The following PLEKHH2 variants were observed in gnomAD, a reference collection of about 807,000 sequenced individuals.
The protein encoded by PLEKHH2 is pleckstrin homology domain-containing family H member 2.
A neutral mutation model predicts 187.9 loss-of-function variants in PLEKHH2; 129 were observed. The ratio of observed to expected loss-of-function variants is 0.69; its 90% CI spans 0.59 to 0.79. The LOEUF (loss-of-function observed/expected upper bound fraction) is 0.79, where lower values mean the gene tolerates loss of function less well. Among genes scored for constraint, PLEKHH2 ranks in the 30% least tolerant of loss-of-function variants. The probability of loss-of-function intolerance (pLI) is 0.00; values close to 1 mark genes in which losing one functional copy is unlikely to be tolerated. For missense variants in PLEKHH2, 2,076 were observed against 1,751.2 expected (o/e 1.19, Z -3.31); for synonymous variants, 686 against 605.6 (o/e 1.13, Z -1.95).
chr2:43,733,543 C>A (rs1040653545), intron 19 of PLEKHH2, among the ~76,000 whole-genome samples: 1 of 152,106 alleles, frequency 6.6e-6, no homozygotes, highest in Non-Finnish European at 1.5e-5. Context: ...CTTTGTCTTG[C>A]CTAAGTTTCT....
chr2:43,712,535 A>G (rs1406756223), intron 15 of PLEKHH2, 152 bp downstream of exon 15: 1 of 830,842 alleles, frequency 1.2e-6, no homozygotes, highest in Non-Finnish European at 1.7e-6. Flanking sequence ...TGCCCAAGGC[A>G]AAAACTATAA....
intron 3 of PLEKHH2, among the ~76,000 whole-genome samples, chr2:43,683,776 C>G (rs1201485631): frequency 2.0e-5 from 3 of 147,142 alleles, no homozygotes; most frequent in African/African-American, 7.5e-5. Context: ...AGTTATCTCT[C>G]TCTCTCTCTT....
At position 43,740,967 on chromosome 2, in the gene PLEKHH2, T is replaced by A. The variant is rs968181082; in HGVS notation, c.3145T>A (p.Cys1049Ser). The change falls in exon 21 of 30, where the codon TGC (cysteine) becomes AGC (serine). Residue 1049 changes from cysteine (C) to serine (S), a missense_variant. By Grantham distance (112) the Cys-to-Ser change is moderately radical (BLOSUM62 -1). Coordinates refer to ENST00000282406, the MANE Select transcript of PLEKHH2 (RefSeq NM_172069.4). ...PLQGWQLLAL[C>S]VGLFLPHHPF... is the part of the protein sequence containing the mutation. ...CCAGGGCTGGCAGCTCTTGGCACTC[T>A]GCGTTGGGCTCTTCCTTCCCCATCA... 2 of 1,613,892 alleles carry A rather than the reference T, an allele frequency of 1.2e-6. No homozygotes were observed. Among genetic ancestry groups the A allele is most frequent in the Admixed American group, 1.7e-5 (1 of 60,012 alleles).
intron 5 of PLEKHH2, among the ~76,000 whole-genome samples, chr2:43,694,837 C>T (rs1410072099): frequency 1.3e-5 from 2 of 152,200 alleles, no homozygotes; most frequent in Middle Eastern, 3.4e-3. Flanking sequence ...GAGAAGCACA[C>T]GTTTTCATTT....
intron 5 of PLEKHH2, 101 bp from the exon 6 acceptor site, chr2:43,695,042 T>G (rs114160011): frequency 3.5e-6 from 2 of 567,404 alleles, no homozygotes; most frequent in African/African-American, 3.8e-5. Context: ...TGCTTACACA[T>G]GTAGAGAAAC....
intron 4 of PLEKHH2, 136 bp from the exon 5 acceptor site, chr2:43,694,295 C>G (rs1481902611): frequency 1.9e-6 from 2 of 1,026,186 alleles, no homozygotes; most frequent in African/African-American, 1.7e-5. Flanking sequence ...TTTTAAAAAC[C>G]TATTTGGTAA....
intron 2 of PLEKHH2, among the ~76,000 whole-genome samples, chr2:43,668,748 G>T (rs1210926963): frequency 6.6e-6 from 1 of 152,176 alleles, no homozygotes; most frequent in African/African-American, 2.4e-5. Context: ...TGAGGAGGGA[G>T]GATCCCTTGA....
At chr2:43,650,930 C>T (rs1666438339) in intron 2 of PLEKHH2, among the ~76,000 whole-genome samples, 1 of 151,946 alleles carries the variant, frequency 6.6e-6, no homozygotes, top group South Asian at 2.1e-4. Flanking sequence ...CAGGCATGAG[C>T]CACCGCGCCT....
In PLEKHH2 at chr2:43,678,863, A is replaced by G. The variant is rs767539262; in HGVS notation, c.124A>G (p.Met42Val). 8.1e-6 allele frequency: 13 copies of G among 1,599,560 alleles called. No individual in the cohort carries two copies. Among genetic ancestry groups the G allele is most frequent in the Admixed American group, 3.3e-5 (2 of 59,808 alleles). Residue 42 changes from methionine (M) to valine (V), a missense_variant and splice_region_variant, in exon 3 of 30, where the codon ATG (methionine) becomes GTG (valine). Coordinates refer to ENST00000282406, the MANE Select transcript of PLEKHH2 (RefSeq NM_172069.4). ...ATTTATATTTTCCCTCACTCTACAG[A>G]TGCAACAGCTTGAGAGACAAGTTAT... ...SKIRELLAEKMQQLERQVIDA... is the reference protein window; with the variant it reads ...SKIRELLAEKVQQLERQVIDA...
intron 20 of PLEKHH2, among the ~76,000 whole-genome samples, chr2:43,740,502 G>C (rs1023603688): frequency 5.3e-5 from 8 of 152,106 alleles, no homozygotes; most frequent in African/African-American, 9.7e-5. Flanking sequence ...TTTTATACTT[G>C]TCCCTTATTT....
intron 16 of PLEKHH2, among the ~76,000 whole-genome samples, chr2:43,725,096 C>A (rs1408254299): frequency 2.6e-5 from 4 of 152,120 alleles, no homozygotes; most frequent in Non-Finnish European, 4.4e-5. Flanking sequence ...GAGGAGGGAG[C>A]TTGTAAGGAG....
intron 24 of PLEKHH2, among the ~76,000 whole-genome samples, chr2:43,751,926 C>CTTTTTTTTTTTTTTT (rs1191371733): frequency 1.4e-5 from 2 of 139,870 alleles, no homozygotes; most frequent in African/African-American, 5.3e-5. Flanking sequence ...CTCTCTCTCT[C>CTTTTTTTTTTTTTTT]TTTTTTTTTT....
At chr2:43,749,808 A>T (rs536256645) in intron 24 of PLEKHH2, among the ~76,000 whole-genome samples, 69 of 152,352 alleles carry the variant, frequency 4.5e-4, no homozygotes, top group African/African-American at 1.7e-3. Context: ...ACAGCCAAGG[A>T]CCTGATTCTT....
At chr2:43,718,445 G>A (rs1270391334) in intron 15 of PLEKHH2, among the ~76,000 whole-genome samples, 3 of 152,014 alleles carry the variant, frequency 2.0e-5, no homozygotes, top group Non-Finnish European at 2.9e-5. Context: ...GGCTGAGGCA[G>A]GAGAATCACT....
intron 9 of PLEKHH2, among the ~76,000 whole-genome samples, chr2:43,705,451 T>A (rs1052947505): frequency 6.6e-6 from 1 of 151,384 alleles, no homozygotes; most frequent in Non-Finnish European, 1.5e-5. Context: ...GAGATGGGGG[T>A]CTCACTGTGT....
At chr2:43,765,308 C>G in intron 29 of PLEKHH2, 105 bp from the exon 30 acceptor site, 1 of 1,037,534 alleles carries the variant, frequency 9.6e-7, no homozygotes, top group Admixed American at 2.3e-5. Context: ...ATTCTGGTAG[C>G]CTGGGCACTT....
At chr2:43,714,433 C>T (rs1670116611) in intron 15 of PLEKHH2, among the ~76,000 whole-genome samples, 1 of 152,140 alleles carries the variant, frequency 6.6e-6, no homozygotes, top group African/African-American at 2.4e-5. Context: ...ACCCTTAGAA[C>T]CTTATGAGAG....
At position 43,684,835 on chromosome 2, in the gene PLEKHH2, A is replaced by G. The variant is rs530126162; in HGVS notation, c.186+5910A>G. ...TCCCATTACCAAAAAAAAAAAAAAA[A>G]AGAGAGAGAATTACAAATCTCTCAG... On this transcript the variant is annotated intron_variant, in intron 3 of 29. Transcript: ENST00000282406. Among the ~76,000 whole-genome samples, 238 of 152,046 alleles carry G rather than the reference A, an allele frequency of 1.6e-3. 2 individuals carry two copies. Among genetic ancestry groups the G allele is most frequent in the African/African-American group, 4.7e-3 (194 of 41,492 alleles).
At chr2:43,673,690 G>A (rs542458720) in intron 2 of PLEKHH2, among the ~76,000 whole-genome samples, 5 of 152,288 alleles carry the variant, frequency 3.3e-5, no homozygotes, top group Admixed American at 3.3e-4. Context: ...ATGCTTTTCT[G>A]TTTATAAATG....
Sources: allele counts gnomAD v4.1 joint callset (sites outside exome capture counted in the v4.1 genomes callset), GRCh38; gene constraint gnomAD v4.1.1; transcripts MANE v1.5; gene names NCBI Gene and HGNC (gene_info 2026-07-23, HGNC 2026-07-21).